SCG5: variants seen among roughly 807,000 people sequenced by gnomAD.
SCG5 encodes secretogranin V, also known as neuroendocrine protein 7B2.
A neutral mutation model predicts 25.7 loss-of-function variants in SCG5; 18 were observed. That is an observed-to-expected ratio of 0.70 (90% CI 0.48 to 1.04). SCG5 has a LOEUF of 1.04. Among genes scored for constraint, SCG5 ranks in the 50% least tolerant of loss-of-function variants. The pLI, the probability that SCG5 is intolerant of heterozygous loss-of-function variation, is 0.00. For synonymous variants in SCG5, 101 were observed against 91.7 expected (o/e 1.10, Z -0.58); for missense variants, 206 against 259.8 (o/e 0.79, Z 1.42).
rs771597280 is a variant in SCG5 at position 32,685,430 on chromosome 15, G to A, written c.489+761G>A. On this transcript the variant is annotated intron_variant, in intron 4 of 5. Transcript: ENST00000300175. Reference sequence around the variant, plus strand: ...GTTCCCCTATTGGAAGAGGTGGAAAGATACAGCCTAGGCAACAGAATGTCA... The same window carrying A: ...GTTCCCCTATTGGAAGAGGTGGAAAAATACAGCCTAGGCAACAGAATGTCA... 1.1e-4 allele frequency among the ~76,000 whole-genome samples: 17 copies of A among 152,200 alleles called. 1 individual carries two copies. The highest frequency in any genetic ancestry group is 9.2e-4 in the Admixed American group (14 of 15,280).
At chr15:32,689,805 T>A (rs1226727221) in intron 4 of SCG5, among the ~76,000 whole-genome samples, 1 of 152,028 alleles carries the variant, frequency 6.6e-6, no homozygotes, top group Non-Finnish European at 1.5e-5. Context: ...ACAGGGACCA[T>A]CTTTGAGAGG....
chr15:32,680,963 C>T (rs1418267935), intron 3 of SCG5, among the ~76,000 whole-genome samples: 2 of 152,302 alleles, frequency 1.3e-5, no homozygotes, highest in African/African-American at 4.8e-5. Flanking sequence ...TAATTAACCA[C>T]TTCGTACCTC....
At chr15:32,656,482 C>G (rs1432019294) in intron 2 of SCG5, among the ~76,000 whole-genome samples, 1 of 152,202 alleles carries the variant, frequency 6.6e-6, no homozygotes, top group African/African-American at 2.4e-5. Flanking sequence ...AGGTTAAAAA[C>G]GTTTATCATT....
chr15:32,690,470 T>C (rs2140605802), intron 4 of SCG5, among the ~76,000 whole-genome samples: 1 of 152,338 alleles, frequency 6.6e-6, no homozygotes, highest in East Asian at 1.9e-4. Flanking sequence ...AAGGAAATGA[T>C]CTGCAAGTCT....
chr15:32,690,049 G>A (rs2140603920), intron 4 of SCG5, among the ~76,000 whole-genome samples: 1 of 152,268 alleles, frequency 6.6e-6, no homozygotes, highest in East Asian at 1.9e-4. Flanking sequence ...CACCGTGTTA[G>A]CCGGGATGGT....
At chr15:32,648,069 G>A (rs1258202716) in intron 2 of SCG5, among the ~76,000 whole-genome samples, 3 of 152,020 alleles carry the variant, frequency 2.0e-5, no homozygotes, top group East Asian at 1.9e-4. Context: ...GCCAGGTTTC[G>A]ATCCTGATTT....
chr15:32,674,774 A>G (rs1336005226), intron 2 of SCG5, among the ~76,000 whole-genome samples: 3 of 152,214 alleles, frequency 2.0e-5, no homozygotes, highest in Admixed American at 6.5e-5. Flanking sequence ...TGAATTGCCA[A>G]CCTCAAAGGG....
At chr15:32,650,370 G>A (rs1470517721) in intron 2 of SCG5, among the ~76,000 whole-genome samples, 1 of 152,158 alleles carries the variant, frequency 6.6e-6, no homozygotes, top group African/African-American at 2.4e-5. Flanking sequence ...CAAAGTGCTG[G>A]GATTACAGGC....
intron 2 of SCG5, among the ~76,000 whole-genome samples, chr15:32,648,375 TC>T (rs150980968): frequency 0.024 from 3,670 of 152,252 alleles, 153 homozygotes; most frequent in African/African-American, 0.084. Context: ...CTATTCTTGA[TC>T]CCTTTTCGAT....
At chr15:32,686,045 C>T (rs533017011) in intron 4 of SCG5, among the ~76,000 whole-genome samples, 1 of 152,248 alleles carries the variant, frequency 6.6e-6, no homozygotes, top group East Asian at 1.9e-4. Flanking sequence ...TGTCAGTTCC[C>T]TCTGTCTTCA....
At chr15:32,674,962 A>G (rs112954409) in intron 2 of SCG5, among the ~76,000 whole-genome samples, 3 of 152,334 alleles carry the variant, frequency 2.0e-5, no homozygotes, top group Admixed American at 6.5e-5. Flanking sequence ...TCCCTTGACA[A>G]TTACATCTGA....
intron 2 of SCG5, among the ~76,000 whole-genome samples, chr15:32,645,034 C>T (rs11853044): frequency 0.13 from 20,519 of 152,180 alleles, 1,522 homozygotes; most frequent in East Asian, 0.25. Context: ...AACACAAATG[C>T]GTTGAATCGG....
At position 32,646,768 on chromosome 15, in the gene SCG5, A is replaced by T. The variant is rs186790347; in HGVS notation, c.226+2950A>T. Among the ~76,000 whole-genome samples, 8 of 152,296 alleles carry T rather than the reference A, an allele frequency of 5.3e-5. No homozygotes were observed. In the East Asian group the frequency reaches 1.5e-3, roughly 29 times the overall value. ...TGTTGGGTGGTCTGATCATTTATTC[A>T]TGTGAGTTAGTTATTGTTTCACCTC... On this transcript the variant is annotated intron_variant, in intron 2 of 5. Transcript: ENST00000300175.
intron 3 of SCG5, among the ~76,000 whole-genome samples, chr15:32,680,941 C>A (rs1459931949): frequency 6.6e-6 from 1 of 152,136 alleles, no homozygotes; most frequent in Non-Finnish European, 1.5e-5. Context: ...ACCTGTGTGA[C>A]CTTAAACAAG....
intron 2 of SCG5, among the ~76,000 whole-genome samples, chr15:32,660,766 T>A (rs988952445): frequency 1.3e-5 from 2 of 152,242 alleles, no homozygotes; most frequent in African/African-American, 4.8e-5. Context: ...TTACCCCTAG[T>A]ACTTAAGACA....
chr15:32,652,850 AC>A (rs540499644), intron 2 of SCG5, among the ~76,000 whole-genome samples: 34 of 152,326 alleles, frequency 2.2e-4, no homozygotes, highest in Middle Eastern at 3.4e-3. Flanking sequence ...TTAGTTATTT[AC>A]TAGTTATAGT....
In SCG5 at chr15:32,679,799, C is replaced by A; in HGVS notation, c.260C>A (p.Pro87His). The A allele has an allele frequency of 6.2e-7, 1 of 1,613,978 alleles. No individual in the cohort carries two copies. The highest frequency in any genetic ancestry group is 1.1e-5 in the South Asian group (1 of 91,084). Reference protein sequence around the residue: ...GAHEGLQHLGPFGNIPNIVAE... With the variant: ...GAHEGLQHLGHFGNIPNIVAE... Reference sequence around the variant, plus strand: ...CATGAAGGACTTCAGCATTTGGGTCCTTTTGGCAACATCCCCAACATCGTG... The same window carrying A: ...CATGAAGGACTTCAGCATTTGGGTCATTTTGGCAACATCCCCAACATCGTG... Residue 87 changes from proline (P) to histidine (H), a missense_variant, in exon 3 of 6, where the codon CCT becomes CAT. Physicochemically the swap from Pro to His is moderately conservative, Grantham distance 77. Coordinates refer to ENST00000300175, the MANE Select transcript of SCG5 (RefSeq NM_001144757.3).
At chr15:32,653,097 G>C (rs988041861) in intron 2 of SCG5, among the ~76,000 whole-genome samples, 1 of 152,206 alleles carries the variant, frequency 6.6e-6, no homozygotes, top group Non-Finnish European at 1.5e-5. Flanking sequence ...CTTATTGCAT[G>C]CACAAAATGT....
intron 2 of SCG5, among the ~76,000 whole-genome samples, chr15:32,667,615 T>A (rs1019372933): frequency 4.6e-5 from 7 of 152,194 alleles, no homozygotes; most frequent in Non-Finnish European, 8.8e-5. Flanking sequence ...TGGCTCCAGG[T>A]CTGGCACAAA....
Sources: gnomAD v4.1 joint callset for allele counts (sites outside exome capture counted in the v4.1 genomes callset) on GRCh38, gnomAD v4.1.1 for gene constraint, MANE v1.5 for transcripts, NCBI Gene and HGNC (gene_info 2026-07-23, HGNC 2026-07-21) for gene names.